The following GAS2 variants were observed in gnomAD, a reference collection of about 807,000 sequenced individuals.
GAS2 encodes growth arrest-specific protein 2.
Under a neutral mutation model 37.5 loss-of-function variants are expected in GAS2, and 20 were observed. That is an observed-to-expected ratio of 0.53 (90% CI 0.37 to 0.77). GAS2 has a LOEUF of 0.77. Ranked by LOEUF, GAS2 falls within the 30% of genes least tolerant of loss-of-function variation. The pLI, the probability that GAS2 is intolerant of heterozygous loss-of-function variation, is 0.00. For synonymous variants in GAS2, 144 were observed against 132.2 expected, an observed-to-expected ratio of 1.09 and a Z score of -0.61; for missense variants, 336 against 373.4, an observed-to-expected ratio of 0.90 and a Z score of 0.82.
intron 6 of GAS2, among the ~76,000 whole-genome samples, chr11:22,754,872 C>A (rs1161429600): frequency 1.3e-5 from 2 of 152,098 alleles, no homozygotes; most frequent in African/African-American, 4.8e-5. Context: ...AAATCCAGGC[C>A]AATTTCTAAA....
chr11:22,774,685 A>G lies in GAS2; in HGVS notation c.723+18732A>G, dbSNP rs1001526817. Among the ~76,000 whole-genome samples the G allele has an allele frequency of 6.6e-5, 10 of 152,142 alleles. No homozygotes were observed. The East Asian group carries it at 1.7e-3, about 26-fold the overall frequency. On this transcript the variant is annotated intron_variant, in intron 7 of 7. Transcript: ENST00000454584. ...CAACTTAACAGCAGAGTTAAGGTAGATATTTTCCTTTCATGAATCTTTCAT... is the reference window on the plus strand; with the variant it reads ...CAACTTAACAGCAGAGTTAAGGTAGGTATTTTCCTTTCATGAATCTTTCAT...
chr11:22,715,460 C>CAAAA lies in GAS2; in HGVS notation c.268-10812_268-10809dup, dbSNP rs1192862614. Reference sequence around the variant, plus strand: ...TGGGTGACAGAGCAAGACTCTGTCTCAAAAAAAAAAAAAAAAAAAAAAAGA... The same window carrying CAAAA: ...TGGGTGACAGAGCAAGACTCTGTCTCAAAAAAAAAAAAAAAAAAAAAAAAAAAGA... On this transcript the variant is annotated intron_variant, in intron 3 of 7. Coordinates refer to ENST00000454584, the MANE Select transcript of GAS2 (RefSeq NM_001143830.3). Among the ~76,000 whole-genome samples the CAAAA allele has an allele frequency of 8.3e-3, 348 of 41,716 alleles. 43 individuals carry two copies. Among genetic ancestry groups the CAAAA allele is most frequent in the African/African-American group, 0.03 (237 of 7,962 alleles). The allele number at this position is 41,716 out of a possible 152,430, so 27.4% of individuals were successfully genotyped here.
intron 7 of GAS2, among the ~76,000 whole-genome samples, chr11:22,807,698 C>G (rs1856964618): frequency 6.6e-6 from 1 of 152,120 alleles, no homozygotes. Context: ...GGTGCTGCAG[C>G]CTGTAATAGG....
intron 7 of GAS2, among the ~76,000 whole-genome samples, chr11:22,805,124 A>G (rs901059288): frequency 6.6e-6 from 1 of 152,104 alleles, no homozygotes; most frequent in Non-Finnish European, 1.5e-5. Context: ...CACATACCAG[A>G]AAAGCATGGA....
intron 7 of GAS2, among the ~76,000 whole-genome samples, chr11:22,797,215 A>G (rs1008092649): frequency 6.6e-6 from 1 of 152,046 alleles, no homozygotes; most frequent in African/African-American, 2.4e-5. Flanking sequence ...ACATATTTCC[A>G]AGCAGATGCA....
intron 7 of GAS2, among the ~76,000 whole-genome samples, chr11:22,799,569 G>T (rs1272240991): frequency 6.6e-6 from 1 of 151,546 alleles, no homozygotes; most frequent in Non-Finnish European, 1.5e-5. Context: ...TTCAATTTTT[G>T]ACCCACGTCT....
intron 1 of GAS2, among the ~76,000 whole-genome samples, chr11:22,627,716 A>G (rs1044342389): frequency 2.6e-5 from 4 of 151,306 alleles, no homozygotes; most frequent in Admixed American, 1.3e-4. Context: ...TGAAGGTTAC[A>G]GTGAGCTGAG....
At chr11:22,684,785 G>A (rs1297627692) in intron 2 of GAS2, among the ~76,000 whole-genome samples, 2 of 152,094 alleles carry the variant, frequency 1.3e-5, no homozygotes, top group Non-Finnish European at 2.9e-5. Flanking sequence ...CCCATGGCTG[G>A]TCTCTAACTC....
chr11:22,792,116 G>T (rs1165095860), intron 7 of GAS2, among the ~76,000 whole-genome samples: 1 of 152,172 alleles, frequency 6.6e-6, no homozygotes, highest in African/African-American at 2.4e-5. Context: ...AAAGGAAGTG[G>T]CTGAGGGATC....
intron 1 of GAS2, chr11:22,626,114 C>A (rs1858648604): frequency 2.2e-6 from 1 of 450,722 alleles, no homozygotes; most frequent in East Asian, 4.1e-5. Flanking sequence ...CGCTTCCTTT[C>A]GCTTTGGAAA....
At chr11:22,626,180 T>A in intron 1 of GAS2, 1 of 312,178 alleles carries the variant, frequency 3.2e-6, no homozygotes, top group Non-Finnish European at 6.2e-6. Context: ...TGTGTTGAGG[T>A]TTTTCAAAAT....
intron 7 of GAS2, among the ~76,000 whole-genome samples, chr11:22,789,454 A>ATATATATATATATATATATT (rs1564889924): frequency 3.3e-5 from 2 of 61,214 alleles, no homozygotes; most frequent in Non-Finnish European, 3.3e-5. Context: ...ATATATATAT[A>ATATATATATATATATATATT]TTCTTTTTTT....
intron 1 of GAS2, among the ~76,000 whole-genome samples, chr11:22,651,958 G>T (rs1235533262): frequency 1.3e-5 from 2 of 152,194 alleles, no homozygotes; most frequent in Non-Finnish European, 2.9e-5. Flanking sequence ...TCTGTTGCTG[G>T]TGAGGAACTG....
chr11:22,659,303 C>T (rs1030182429), intron 1 of GAS2, among the ~76,000 whole-genome samples: 4 of 152,094 alleles, frequency 2.6e-5, no homozygotes, highest in South Asian at 4.1e-4. Flanking sequence ...ATTTGTTTGA[C>T]TCAATTCCTA....
chr11:22,643,840 C>G (rs1316977915), intron 1 of GAS2, among the ~76,000 whole-genome samples: 1 of 152,006 alleles, frequency 6.6e-6, no homozygotes, highest in South Asian at 2.1e-4. Flanking sequence ...AAATACCTGC[C>G]AGGAAGGACA....
intron 3 of GAS2, among the ~76,000 whole-genome samples, chr11:22,696,005 A>G (rs1850490885): frequency 6.6e-6 from 1 of 151,930 alleles, no homozygotes; most frequent in South Asian, 2.1e-4. Context: ...GGTTAGTTAC[A>G]TATATATACA....
At chr11:22,709,155 A>C (rs1851272552) in intron 3 of GAS2, among the ~76,000 whole-genome samples, 1 of 152,174 alleles carries the variant, frequency 6.6e-6, no homozygotes, top group Non-Finnish European at 1.5e-5. Context: ...TCCATTTGAA[A>C]ACCCTAATTT....
chr11:22,732,020 A>C (rs1852502947), intron 4 of GAS2, among the ~76,000 whole-genome samples: 1 of 151,778 alleles, frequency 6.6e-6, no homozygotes, highest in Non-Finnish European at 1.5e-5. Flanking sequence ...AGGAGGGAGC[A>C]GTTAAATCCC....
intron 7 of GAS2, among the ~76,000 whole-genome samples, chr11:22,784,015 G>T (rs1392215018): frequency 1.3e-5 from 2 of 152,142 alleles, no homozygotes; most frequent in Non-Finnish European, 2.9e-5. Flanking sequence ...TTCTGTTTCT[G>T]TACCAGGACC....
Sources: allele counts gnomAD v4.1 joint callset (sites outside exome capture counted in the v4.1 genomes callset), GRCh38; gene constraint gnomAD v4.1.1; transcripts MANE v1.5; gene names NCBI Gene and HGNC (gene_info 2026-07-23, HGNC 2026-07-21).